NECAB2: variants seen among roughly 807,000 people sequenced by gnomAD.
The protein encoded by NECAB2 is N-terminal EF-hand calcium binding protein 2.
Under a neutral mutation model 51.9 loss-of-function variants are expected in NECAB2, and 68 were observed. The observed-to-expected ratio is 1.31, with a 90% CI of 1.08 to 1.60. The LOEUF (loss-of-function observed/expected upper bound fraction) is 1.60. Among genes scored for constraint, NECAB2 ranks in the 40% most tolerant of loss-of-function variants. The probability of loss-of-function intolerance (pLI) is 0.00; values close to 1 mark genes in which losing one functional copy is unlikely to be tolerated. For synonymous variants in NECAB2, 329 were observed against 203.5 expected (o/e 1.62, Z -5.25); for missense variants, 854 against 490.3 (o/e 1.74, Z -7.00).
At chr16:83,989,881 C>T (rs182817307) in intron 5 of NECAB2, among the ~76,000 whole-genome samples, 126 of 152,302 alleles carry the variant, frequency 8.3e-4, no homozygotes, top group African/African-American at 2.9e-3. Flanking sequence ...CCCCCAGGCT[C>T]CTCTCTGGCC....
At chr16:83,981,186 C>A in intron 5 of NECAB2, 59 bp downstream of exon 5, 2 of 1,403,000 alleles carry the variant, frequency 1.4e-6, no homozygotes, top group Non-Finnish European at 9.9e-7. Context: ...CAGTTCCACC[C>A]TTGCCTAAGG....
At chr16:83,991,816 AT>A (rs1222970973) in intron 6 of NECAB2, among the ~76,000 whole-genome samples, 12,774 of 112,422 alleles carry the variant, frequency 0.11, 547 homozygotes, top group African/African-American at 0.22. Flanking sequence ...ACACCCAGCT[AT>A]TTTTTTTTTT....
upstream of NECAB2, chr16:83,966,270 C>T: frequency 1.9e-6 from 1 of 513,174 alleles, no homozygotes; most frequent in Non-Finnish European, 3.4e-6. Flanking sequence ...AGCACCCAGC[C>T]AGGAGACCTG....
rs1269645047 is a variant in NECAB2 at position 83,972,183 on chromosome 16, T to TCCCTTCCAGGCCGA, written c.226+10_226+23dup. 6.2e-7 allele frequency: 1 copy of TCCCTTCCAGGCCGA among 1,613,570 alleles called. No homozygotes were observed. The highest frequency in any genetic ancestry group is 8.5e-7 in the Non-Finnish European group (1 of 1,180,016). On this transcript the variant is annotated intron_variant, in intron 2 of 12. Transcript: ENST00000305202. Reference sequence around the variant, plus strand: ...GCCGTGCGGACAAAAATGGTGAGTTTCCCTTCCAGGCCGACGGCCGCCCCA... The same window carrying TCCCTTCCAGGCCGA: ...GCCGTGCGGACAAAAATGGTGAGTTTCCCTTCCAGGCCGACCCTTCCAGGCCGACGGCCGCCCCA...
At chr16:83,985,761 A>G (rs917204129) in intron 5 of NECAB2, among the ~76,000 whole-genome samples, 1 of 152,128 alleles carries the variant, frequency 6.6e-6, no homozygotes, top group African/African-American at 2.4e-5. Flanking sequence ...TTGTATTAAG[A>G]TAAAATTGAA....
chr16:83,995,944 A>G (rs912233936), intron 8 of NECAB2, among the ~76,000 whole-genome samples: 3 of 152,214 alleles, frequency 2.0e-5, no homozygotes, highest in Non-Finnish European at 2.9e-5. Context: ...TTTTTAGAGC[A>G]CCGTCGCCCT....
chr16:83,998,110 T>G (rs950952441), intron 9 of NECAB2, 95 bp from the exon 10 acceptor site: 1 of 1,080,960 alleles, frequency 9.3e-7, no homozygotes, highest in Non-Finnish European at 1.3e-6. Flanking sequence ...GTTATTTTAT[T>G]TTGACCGAGG....
chr16:83,978,668 CA>C, intron 3 of NECAB2, 116 bp downstream of exon 3: 1 of 865,792 alleles, frequency 1.2e-6, no homozygotes, highest in Non-Finnish European at 1.8e-6. Flanking sequence ...TGAAAATCCC[CA>C]AATTTGCTAA....
chr16:83,990,449 C>A, intron 5 of NECAB2, 45 bp from the exon 6 acceptor site: 1 of 1,604,308 alleles, frequency 6.2e-7, no homozygotes, highest in Non-Finnish European at 8.5e-7. Context: ...CTCCAATTTC[C>A]CTCCCACCCC....
chr16:83,976,403 G>A (rs1335490967), intron 2 of NECAB2, among the ~76,000 whole-genome samples: 1 of 152,228 alleles, frequency 6.6e-6, no homozygotes, highest in Non-Finnish European at 1.5e-5. Context: ...TGTCGTGAGT[G>A]TTAAGAAGAC....
At chr16:83,973,876 C>G (rs1226534805) in intron 2 of NECAB2, among the ~76,000 whole-genome samples, 1 of 151,978 alleles carries the variant, frequency 6.6e-6, no homozygotes, top group Non-Finnish European at 1.5e-5. Context: ...GCTGTGCATC[C>G]CGAGTGTGTG....
chr16:83,974,745 G>T (rs914105500), intron 2 of NECAB2, among the ~76,000 whole-genome samples: 56 of 152,182 alleles, frequency 3.7e-4, no homozygotes, highest in Admixed American at 3.3e-4. Context: ...GTGGGGATGG[G>T]ACTTGGTGTG....
At chr16:83,992,731 C>T (rs756911416) in intron 6 of NECAB2, among the ~76,000 whole-genome samples, 3 of 152,182 alleles carry the variant, frequency 2.0e-5, no homozygotes, top group Non-Finnish European at 4.4e-5. Flanking sequence ...AATTAAAATA[C>T]ACATTCCTGG....
chr16:83,975,950 G>A (rs563765100), intron 2 of NECAB2, among the ~76,000 whole-genome samples: 13 of 152,272 alleles, frequency 8.5e-5, no homozygotes, highest in Middle Eastern at 3.4e-3. Flanking sequence ...GTGATCAGGC[G>A]TTCAGGATAA....
chr16:83,993,942 G>A (rs1038050450), intron 6 of NECAB2, among the ~76,000 whole-genome samples: 14 of 152,248 alleles, frequency 9.2e-5, no homozygotes, highest in Admixed American at 7.2e-4. Flanking sequence ...GGGGGACTTG[G>A]TCACTCCACA....
At chr16:84,002,071 G>A (rs1342391138) in intron 12 of NECAB2, among the ~76,000 whole-genome samples, 155 bp downstream of exon 12, 4 of 152,134 alleles carry the variant, frequency 2.6e-5, no homozygotes, top group Non-Finnish European at 5.9e-5. Flanking sequence ...CAGCCCTGAG[G>A]TGGCCCCACA....
At chr16:83,987,252 A>G (rs909764901) in intron 5 of NECAB2, among the ~76,000 whole-genome samples, 6 of 152,222 alleles carry the variant, frequency 3.9e-5, no homozygotes, top group Admixed American at 3.3e-4. Context: ...TCTTTCTAAC[A>G]GTGCCCTTTG....
chr16:83,983,536 G>T (rs988281146), intron 5 of NECAB2, among the ~76,000 whole-genome samples: 1 of 152,160 alleles, frequency 6.6e-6, no homozygotes, highest in African/African-American at 2.4e-5. Flanking sequence ...TTTGTCTTAG[G>T]AGGGTGGTGG....
chr16:83,966,484 G>A (rs910886781), upstream of NECAB2, among the ~76,000 whole-genome samples: 1 of 152,188 alleles, frequency 6.6e-6, no homozygotes, highest in Admixed American at 6.5e-5. Context: ...GGGGTACAAA[G>A]GATGGTGCCC....
Sources: allele counts gnomAD v4.1 joint callset (sites outside exome capture counted in the v4.1 genomes callset), GRCh38; gene constraint gnomAD v4.1.1; transcripts MANE v1.5; gene names NCBI Gene and HGNC (gene_info 2026-07-23, HGNC 2026-07-21).